Variants in AFF2 observed in about 807,000 individuals in gnomAD.
AFF2 encodes the protein AF4/FMR2 family member 2.
Under a neutral mutation model 76.9 loss-of-function variants are expected in AFF2, and 14 were observed. That is an observed-to-expected ratio of 0.18 (90% CI 0.12 to 0.28). The LOEUF is 0.28. Among genes scored for constraint, AFF2 ranks in the 10% least tolerant of loss-of-function variants. AFF2 has a pLI of 1.00. For missense variants in AFF2, 868 were observed against 1,001.1 expected, an observed-to-expected ratio of 0.87 and a Z score of 1.79; for synonymous variants, 398 against 366.7, an observed-to-expected ratio of 1.09 and a Z score of -0.98.
chrX:148,515,384 G>C (rs1305053854), intron 1 of AFF2, among the ~76,000 whole-genome samples: 4 of 112,147 alleles, frequency 3.6e-5, no homozygotes, highest in Non-Finnish European at 1.9e-5. Context: ...AATTCTAGCT[G>C]TTTTGCTTTA....
At chrX:148,740,571 G>C (rs1359559800) in intron 3 of AFF2, among the ~76,000 whole-genome samples, 2 of 111,364 alleles carry the variant, frequency 1.8e-5, no homozygotes, top group Non-Finnish European at 3.8e-5. Context: ...TCATTTTTTG[G>C]ATTTCCTTTC....
chrX:148,524,782 C>T (rs1190432452), intron 1 of AFF2, among the ~76,000 whole-genome samples: 7 of 112,065 alleles, frequency 6.2e-5, no homozygotes, highest in African/African-American at 2.3e-4. Flanking sequence ...AGGCAGTAGG[C>T]GGCATGTGTG....
At chrX:148,809,448 G>T (rs782166071) in intron 3 of AFF2, among the ~76,000 whole-genome samples, 1 of 112,399 alleles carries the variant, frequency 8.9e-6, no homozygotes, top group African/African-American at 3.2e-5. Flanking sequence ...TTTTGTAGGT[G>T]CCTAGTTGGA....
intron 3 of AFF2, among the ~76,000 whole-genome samples, chrX:148,666,990 T>G (rs965621314): frequency 5.3e-5 from 6 of 112,288 alleles, no homozygotes; most frequent in Non-Finnish European, 9.4e-5. Context: ...ATATTAAATG[T>G]CTCCATCCTA....
At chrX:148,828,675 T>C (rs183877846) in intron 4 of AFF2, among the ~76,000 whole-genome samples, 2 of 112,347 alleles carry the variant, frequency 1.8e-5, no homozygotes, top group Admixed American at 1.9e-4. Flanking sequence ...TATATCACTA[T>C]AGTGTTCTGT....
At chrX:148,629,236 A>C (rs1557252673) in intron 1 of AFF2, among the ~76,000 whole-genome samples, 3 of 110,622 alleles carry the variant, frequency 2.7e-5, no homozygotes, top group Non-Finnish European at 5.7e-5. Flanking sequence ...TAGCCTCTGA[A>C]AGCGTACTTT....
At chrX:148,824,996 C>T (rs782567211) in intron 4 of AFF2, among the ~76,000 whole-genome samples, 1 of 111,304 alleles carries the variant, frequency 9.0e-6, no homozygotes, top group African/African-American at 3.3e-5. Flanking sequence ...CACGATCACA[C>T]CATTGCACAC....
chrX:148,923,646 A>T (rs2071619867), intron 9 of AFF2, among the ~76,000 whole-genome samples: 1 of 111,867 alleles, frequency 8.9e-6, no homozygotes, highest in African/African-American at 3.3e-5. Flanking sequence ...AGCAGAGTTG[A>T]ACTGGGTCCC....
At position 148,958,333 on chromosome X, in the gene AFF2, A is replaced by G. The variant is rs782103196; in HGVS notation, c.2569-4A>G. On this transcript the variant is annotated splice_polypyrimidine_tract_variant and splice_region_variant and intron_variant, in intron 11 of 20. Coordinates refer to ENST00000370460, the MANE Select transcript of AFF2 (RefSeq NM_002025.4). ...AGCTCTGTGTATTTTTTTCCCTGTT[A>G]AAGCCAATAGAAGTTGCAGAGAAGA... 4.1e-6 allele frequency: 5 copies of G among 1,210,513 alleles called. No homozygotes were observed. Among genetic ancestry groups the G allele is most frequent in the Non-Finnish European group, 5.6e-6 (5 of 895,052 alleles).
In AFF2 at chrX:148,962,830, C is replaced by G; in HGVS notation, c.2806C>G (p.Pro936Ala). The part of the protein sequence containing the change: ...RRRNVSGNNG[P>A]FGQDKNIAMT... ...CAGAAATGTCAGTGGCAATAATGGT[C>G]CCTTTGGTCAAGACAAAAACATCGC... Residue 936 changes from proline (P) to alanine (A), a missense_variant, in exon 13 of 21, where the codon CCC becomes GCC. Pro to Ala is a conservative substitution (Grantham distance 27). Transcript: ENST00000370460. The G allele has an allele frequency of 1.7e-6, 2 of 1,209,860 alleles. No individual in the cohort carries two copies. Among genetic ancestry groups the G allele is most frequent in the Non-Finnish European group, 2.2e-6 (2 of 893,640 alleles).
rs1044463807 is a variant in AFF2, at chrX:148,748,683, G to A, written c.1042-61193G>A. On this transcript the variant is annotated intron_variant, in intron 3 of 20. Transcript: ENST00000370460. Reference sequence around the variant, plus strand: ...GGGAAGATGGGCTACCTTGACTGGGGGGCTCAGAGAGCACCCTGGCCAGCA... The same window carrying A: ...GGGAAGATGGGCTACCTTGACTGGGAGGCTCAGAGAGCACCCTGGCCAGCA... Among the ~76,000 whole-genome samples, 5 of 111,493 alleles carry A rather than the reference G, an allele frequency of 4.5e-5. No individual in the cohort carries two copies. In the East Asian group the frequency reaches 1.4e-3, roughly 32 times the overall value.
At chrX:148,656,830 C>T (rs1340100864) in intron 2 of AFF2, among the ~76,000 whole-genome samples, 1 of 111,510 alleles carries the variant, frequency 9.0e-6, no homozygotes, top group Admixed American at 9.5e-5. Flanking sequence ...AGCGAGATGG[C>T]TTCTTTGCAT....
At chrX:148,518,598 G>T (rs1159896714) in intron 1 of AFF2, among the ~76,000 whole-genome samples, 1 of 112,309 alleles carries the variant, frequency 8.9e-6, no homozygotes, top group Non-Finnish European at 1.9e-5. Context: ...AAAATTTAAG[G>T]TGGAGGAGTA....
chrX:148,609,377 A>G (rs2053704863), intron 1 of AFF2, among the ~76,000 whole-genome samples: 1 of 111,401 alleles, frequency 9.0e-6, no homozygotes, highest in African/African-American at 3.3e-5. Flanking sequence ...AATGCCATGG[A>G]AATGTGGTTT....
At chrX:148,672,922 G>T (rs934294257) in intron 3 of AFF2, among the ~76,000 whole-genome samples, 2 of 111,452 alleles carry the variant, frequency 1.8e-5, no homozygotes, top group Admixed American at 9.6e-5. Context: ...TAAATGAGAG[G>T]TCAGTAAAAA....
rs2072663371 is a variant in AFF2, at chrX:149,000,502, T to TACAA, written c.*9174_*9177dup. On this transcript the variant is annotated 3_prime_UTR_variant, in exon 21 of 21. Transcript: ENST00000370460. ...TTGTTCTCAGTACAGTAACTCTGTG[T>TACAA]ACAAACATTTTAATGTGGTTTTGTT... 8.8e-6 allele frequency: 1 copy of TACAA among 113,285 alleles called. No homozygotes were observed. Among genetic ancestry groups the TACAA allele is most frequent in the Non-Finnish European group, 1.9e-5 (1 of 53,414 alleles). 9.3% of individuals were successfully genotyped at this position (113,285 alleles called of 1,213,427 possible). A position where few individuals can be genotyped will look rare whatever the true frequency, so the allele number is the denominator to read the frequency against.
At chrX:148,508,516 C>T (rs1298729278) in intron 1 of AFF2, among the ~76,000 whole-genome samples, 4 of 111,131 alleles carry the variant, frequency 3.6e-5, no homozygotes, top group African/African-American at 1.3e-4. Flanking sequence ...TTGATCAAAC[C>T]AACCAAGCAG....
intron 4 of AFF2, among the ~76,000 whole-genome samples, chrX:148,831,435 A>G (rs1275157762): frequency 8.9e-6 from 1 of 112,308 alleles, no homozygotes. Flanking sequence ...GGGAACTAAT[A>G]AATGTCCATG....
intron 5 of AFF2, among the ~76,000 whole-genome samples, chrX:148,841,493 A>G (rs1159522940): frequency 4.5e-5 from 5 of 111,987 alleles, no homozygotes; most frequent in Non-Finnish European, 9.4e-5. Flanking sequence ...GATAACTTAT[A>G]TATTATGATG....
Sources: gnomAD v4.1 joint callset for allele counts (sites outside exome capture counted in the v4.1 genomes callset) on GRCh38, gnomAD v4.1.1 for gene constraint, MANE v1.5 for transcripts, NCBI Gene and HGNC (gene_info 2026-07-23, HGNC 2026-07-21) for gene names.